Variants in THAP5 observed in about 807,000 individuals in gnomAD.
THAP5 encodes the protein THAP domain containing 5.
Under a neutral mutation model 34.0 loss-of-function variants are expected in THAP5, and 26 were observed. The observed-to-expected ratio is 0.77, with a 90% confidence interval of 0.56 to 1.06. The LOEUF is 1.06. Ranked by LOEUF, THAP5 falls within the 50% of genes least tolerant of loss-of-function variation. The pLI is 0.00. For missense variants in THAP5, 394 were observed against 452.8 expected (o/e 0.87, Z 1.18); for synonymous variants, 125 against 153.0 (o/e 0.82, Z 1.35).
intron 1 of THAP5, 49 bp downstream of exon 1, chr7:108,569,441 T>C: frequency 6.4e-7 from 1 of 1,550,796 alleles, no homozygotes; most frequent in East Asian, 2.4e-5. Context: ...AGGCCACAGG[T>C]CCAAGGCCTC....
rs897728078 is a variant in THAP5 at position 108,563,474 on chromosome 7, G to A, written c.*717C>T. On this transcript the variant is annotated 3_prime_UTR_variant, in exon 3 of 3. Transcript: ENST00000415914. ...AATCACTTGAACCCGGGAGGCAGAGGCTGCAGTGAGCCAAGATCAGGCCAC... is the reference window on the plus strand; with the variant it reads ...AATCACTTGAACCCGGGAGGCAGAGACTGCAGTGAGCCAAGATCAGGCCAC... 7.0e-6 allele frequency: 1 copy of A among 142,724 alleles called. No homozygotes were observed. Among genetic ancestry groups the A allele is most frequent in the African/African-American group, 2.6e-5 (1 of 38,916 alleles). The allele number at this position is 142,724 out of a possible 1,614,324, so 8.8% of individuals were successfully genotyped here. A position where few individuals can be genotyped will look rare whatever the true frequency, so the allele number is the denominator to read the frequency against.
In THAP5 at chr7:108,565,070, T is replaced by C; in HGVS notation, c.309A>G (p.Lys103=). ...KDPSKKKSQK[K]NLEDEKEVCP... ...ATACTTCTTTCTCATCTTCCAAGTTTTTCTTCTGGGATTTTTTTTTAGAAG... is the reference window on the plus strand; with the variant it reads ...ATACTTCTTTCTCATCTTCCAAGTTCTTCTTCTGGGATTTTTTTTTAGAAG... Residue 103 remains lysine (K), a synonymous_variant, in exon 3 of 3, where the codon AAA becomes AAG. Transcript: ENST00000415914. 1 of 1,520,794 alleles carries C rather than the reference T, an allele frequency of 6.6e-7. No homozygotes were observed. Among genetic ancestry groups the C allele is most frequent in the African/African-American group, 1.4e-5 (1 of 71,194 alleles). 94.2% of individuals were successfully genotyped at this position (1,520,794 alleles called of 1,614,324 possible). A position where few individuals can be genotyped will look rare whatever the true frequency, so the allele number is the denominator to read the frequency against.
chr7:108,564,811 T>C lies in THAP5; in HGVS notation c.568A>G (p.Arg190Gly). The part of the protein sequence containing the change: ...LETSVNQDTG[R>G]GGFHTCFENL... ...TCAAAACATGTGTGAAAACCACCTC[T>C]ACCTGTATCTTGGTTAACTGATGTT... Residue 190 changes from arginine (R) to glycine (G), a missense_variant, in exon 3 of 3, where the codon AGA becomes GGA. Coordinates refer to ENST00000415914, the MANE Select transcript of THAP5 (RefSeq NM_001130475.3). 6.2e-7 allele frequency: 1 copy of C among 1,613,596 alleles called. No homozygotes were observed. The highest frequency in any genetic ancestry group is 8.5e-7 in the Non-Finnish European group (1 of 1,179,682).
downstream of THAP5, among the ~76,000 whole-genome samples, chr7:108,559,728 A>G (rs1378676400): frequency 6.6e-6 from 1 of 152,166 alleles, no homozygotes; most frequent in Admixed American, 6.5e-5. Context: ...CATAAGGGGA[A>G]GCTGGCACAT....
chr7:108,560,174 C>T (rs1864416459), downstream of THAP5, among the ~76,000 whole-genome samples: 1 of 152,134 alleles, frequency 6.6e-6, no homozygotes, highest in Admixed American at 6.5e-5. Flanking sequence ...GCTTAGTAGG[C>T]CACTTCTTTA....
chr7:108,542,105 G>A, the THAP5 span, among the ~76,000 whole-genome samples: 5 of 152,296 alleles, frequency 3.3e-5, no homozygotes, highest in African/African-American at 4.8e-5. Flanking sequence ...TTCATAGTTT[G>A]TCGAATTTGT....
chr7:108,569,315 G>A (rs1261891709), intron 1 of THAP5, 175 bp downstream of exon 1: 3 of 1,452,890 alleles, frequency 2.1e-6, no homozygotes, highest in Non-Finnish European at 2.7e-6. Context: ...CGCGCAAGAA[G>A]GGCATTGCTA....
chr7:108,560,105 CTCTTA>C (rs199533305), downstream of THAP5, among the ~76,000 whole-genome samples: 14 of 152,182 alleles, frequency 9.2e-5, no homozygotes, highest in Admixed American at 3.9e-4. Context: ...TAAACCTACT[CTCTTA>C]TAAGATTACA....
At chr7:108,549,149 G>A in the THAP5 span, among the ~76,000 whole-genome samples, 1 of 133,790 alleles carries the variant, frequency 7.5e-6, no homozygotes, top group Admixed American at 7.5e-5. Context: ...TTTTTTTTGA[G>A]TCTCGCTTTG....
rs904323220 is a variant in THAP5 at position 108,566,081 on chromosome 7, T to G, written c.81-59A>C. 8 of 1,439,722 alleles carry G rather than the reference T, an allele frequency of 5.6e-6. No homozygotes were observed. The African/African-American group carries it at 1.2e-4, about 21-fold the overall frequency. 89.2% of individuals were successfully genotyped at this position (1,439,722 alleles called of 1,614,324 possible). On this transcript the variant is annotated intron_variant, in intron 1 of 2. Coordinates refer to ENST00000415914, the MANE Select transcript of THAP5 (RefSeq NM_001130475.3). ...AAACTTTGCTATATTTTTACAATTTTGCCAAATTCCCACCCTATATATCTG... is the reference window on the plus strand; with the variant it reads ...AAACTTTGCTATATTTTTACAATTTGGCCAAATTCCCACCCTATATATCTG...
At chr7:108,558,684 C>A (rs1420346778), downstream of THAP5, among the ~76,000 whole-genome samples, 2 of 151,790 alleles carry the variant, frequency 1.3e-5, no homozygotes, top group African/African-American at 2.4e-5. Context: ...GCTTGAGCCA[C>A]CGTGCCTGAC....
downstream of THAP5, among the ~76,000 whole-genome samples, chr7:108,558,377 GTATGTATATA>G (rs1864401503): frequency 1.6e-5 from 1 of 63,042 alleles, no homozygotes; most frequent in African/African-American, 8.1e-5. Flanking sequence ...ATGTGTGTGT[GTATGTATATA>G]TATATATATA....
downstream of THAP5, among the ~76,000 whole-genome samples, chr7:108,553,928 C>G (rs193251313): frequency 2.2e-3 from 334 of 152,278 alleles, 2 homozygotes; most frequent in Middle Eastern, 0.01. Flanking sequence ...GACTTTTCAA[C>G]CATGACATAT....
At chr7:108,558,464 C>T (rs986715099), downstream of THAP5, among the ~76,000 whole-genome samples, 3 of 146,836 alleles carry the variant, frequency 2.0e-5, no homozygotes, top group Non-Finnish European at 3.0e-5. Flanking sequence ...GTGGCGCAAT[C>T]TCGGCTCAGT....
intron 1 of THAP5, chr7:108,568,994 T>G (rs1011028095): frequency 3.7e-6 from 2 of 538,072 alleles, no homozygotes; most frequent in African/African-American, 4.1e-5. Context: ...GACTAGTTTA[T>G]AATTCTGGCT....
chr7:108,561,471 G>A (rs1864430544), downstream of THAP5, among the ~76,000 whole-genome samples: 1 of 146,290 alleles, frequency 6.8e-6, no homozygotes, highest in South Asian at 2.2e-4. Context: ...GTTTCACCAT[G>A]TTGGCTAGGC....
At chr7:108,561,501 T>A (rs1053834327), downstream of THAP5, among the ~76,000 whole-genome samples, 5 of 151,570 alleles carry the variant, frequency 3.3e-5, no homozygotes, top group African/African-American at 1.2e-4. Flanking sequence ...ACTCCAAAGT[T>A]CAAGCAATCT....
Position 108,564,352 on chromosome 7 carries a change from A to G in THAP5, c.1027T>C (p.Ser343Pro). ...TTTAACTCTAGAAGAGTTATCTTTG[A>G]ATGTAGCTTAGAGACTTTCTGCCAA... is the stretch of plus-strand genomic sequence containing the variant. ...HLWQKVSKLH[S>P]KITLLELKEQ... The change falls in exon 3 of 3, where the codon TCA (serine) becomes CCA (proline). Residue 343 changes from serine to proline, a missense_variant. By Grantham distance (74) the Ser-to-Pro change is moderately conservative. Coordinates refer to ENST00000415914, the MANE Select transcript of THAP5 (RefSeq NM_001130475.3). 6.2e-7 allele frequency: 1 copy of G among 1,613,822 alleles called. No individual in the cohort carries two copies. The highest frequency in any genetic ancestry group is 8.5e-7 in the Non-Finnish European group (1 of 1,179,870).
chr7:108,558,903 T>C (rs1057222364), downstream of THAP5, among the ~76,000 whole-genome samples: 3 of 152,192 alleles, frequency 2.0e-5, no homozygotes, highest in African/African-American at 4.8e-5. Context: ...ACTCAACATA[T>C]TTTGCTTGCT....
Sources: gnomAD v4.1 joint callset for allele counts (sites outside exome capture counted in the v4.1 genomes callset) on GRCh38, gnomAD v4.1.1 for gene constraint, MANE v1.5 for transcripts, NCBI Gene and HGNC (gene_info 2026-07-23, HGNC 2026-07-21) for gene names.